The following MICAL2 variants were observed in gnomAD, a reference collection of about 807,000 sequenced individuals.
MICAL2 encodes the protein [F-actin]-monooxygenase MICAL2.
Under a neutral mutation model 127.3 loss-of-function variants are expected in MICAL2, and 77 were observed. The observed-to-expected ratio is 0.60, with a 90% CI of 0.50 to 0.73. The LOEUF (loss-of-function observed/expected upper bound fraction) is 0.73, where lower values mean the gene tolerates loss of function less well. Among genes scored for constraint, MICAL2 ranks in the 30% least tolerant of loss-of-function variants. The pLI, the probability that MICAL2 is intolerant of heterozygous loss-of-function variation, is 0.00. For missense variants in MICAL2, 1,351 were observed against 1,434.4 expected, an observed-to-expected ratio of 0.94 and a Z score of 0.94; for synonymous variants, 570 against 551.1, an observed-to-expected ratio of 1.03 and a Z score of -0.48.
At chr11:12,280,737 T>C (rs1406859887) in intron 1 of MICAL2, among the ~76,000 whole-genome samples, 1 of 152,238 alleles carries the variant, frequency 6.6e-6, no homozygotes, top group Non-Finnish European at 1.5e-5. Flanking sequence ...GTACTTGGGG[T>C]TAGGACTTCA....
At chr11:12,173,617 G>T (rs189983174) in intron 3 of MICAL2, among the ~76,000 whole-genome samples, 3 of 152,152 alleles carry the variant, frequency 2.0e-5, no homozygotes, top group African/African-American at 4.8e-5. Context: ...TCTGGATGAC[G>T]TACAACCATC....
At chr11:12,358,594 T>C, downstream of MICAL2, 1 of 944,130 alleles carries the variant, frequency 1.1e-6, no homozygotes, top group Non-Finnish European at 1.5e-6. Flanking sequence ...TTGTTATACC[T>C]TACTGCATTT....
chr11:12,324,944 A>T (rs1864338527), intron 31 of MICAL2, among the ~76,000 whole-genome samples: 1 of 152,146 alleles, frequency 6.6e-6, no homozygotes, highest in Admixed American at 6.5e-5. Flanking sequence ...GAACAAGACA[A>T]GTCTTATGAT....
chr11:12,178,371 T>G (rs1422625310), intron 3 of MICAL2, among the ~76,000 whole-genome samples: 1 of 152,020 alleles, frequency 6.6e-6, no homozygotes, highest in Non-Finnish European at 1.5e-5. Flanking sequence ...CCTGAGAACA[T>G]GTGCCCAAAG....
intron 3 of MICAL2, among the ~76,000 whole-genome samples, chr11:12,174,844 G>C (rs1388083319): frequency 6.6e-6 from 1 of 152,172 alleles, no homozygotes. Flanking sequence ...TTTTCAGCCA[G>C]GCATGGTGGC....
chr11:12,149,743 G>GTC (rs1463850264), intron 2 of MICAL2, among the ~76,000 whole-genome samples: 2 of 152,184 alleles, frequency 1.3e-5, no homozygotes, highest in African/African-American at 4.8e-5. Context: ...CACACGTGAG[G>GTC]TCTCTATAAG....
intron 26 of MICAL2, chr11:12,261,334 A>G (rs1353277333): frequency 5.1e-6 from 5 of 985,410 alleles, no homozygotes; most frequent in African/African-American, 3.5e-5. Context: ...ACTGGCAGGG[A>G]AGGCTGGGAG....
intron 3 of MICAL2, among the ~76,000 whole-genome samples, chr11:12,182,356 G>A (rs111446180): frequency 9.7e-4 from 147 of 152,200 alleles, no homozygotes; most frequent in African/African-American, 3.5e-3. Flanking sequence ...GCTGAAAAGA[G>A]CTTGGAAGGG....
downstream of MICAL2, chr11:12,292,150 G>T: frequency 6.2e-7 from 1 of 1,613,408 alleles, no homozygotes; most frequent in Non-Finnish European, 8.5e-7. Flanking sequence ...TAGGTTTGAC[G>T]CCAGTGAACA....
chr11:12,212,007 C>T (rs1402064543), intron 6 of MICAL2, among the ~76,000 whole-genome samples: 2 of 152,200 alleles, frequency 1.3e-5, no homozygotes, highest in African/African-American at 2.4e-5. Context: ...GCCTGGATCC[C>T]CCTGCATGGT....
chr11:12,255,265 C>G (rs769324642), intron 22 of MICAL2: 14 of 238,998 alleles, frequency 5.9e-5, no homozygotes, highest in Non-Finnish European at 1.1e-4. Flanking sequence ...TTAAATACAT[C>G]CTTCGTGTGC....
chr11:12,181,741 A>G (rs1421807239), intron 3 of MICAL2, among the ~76,000 whole-genome samples: 1 of 152,262 alleles, frequency 6.6e-6, no homozygotes, highest in Non-Finnish European at 1.5e-5. Context: ...AAAACATTCA[A>G]TAAATCGCAA....
downstream of MICAL2, among the ~76,000 whole-genome samples, chr11:12,267,449 G>A (rs774305919): frequency 5.3e-5 from 8 of 152,042 alleles, no homozygotes; most frequent in Non-Finnish European, 8.8e-5. Context: ...AAATCCATTA[G>A]CAAATTTGAG....
rs976019277 is a variant in MICAL2, at chr11:12,216,447, A to G, written c.948+128A>G. 4 of 691,084 alleles carry G rather than the reference A, an allele frequency of 5.8e-6. No homozygotes were observed. In the African/African-American group the frequency reaches 7.1e-5, roughly 12 times the overall value. 42.8% of individuals were successfully genotyped at this position (691,084 alleles called of 1,614,324 possible). ...GGAGGGGGGAAGGTGCCACCAGCTT[A>G]CACCCTTCTTTTTCTTGGTGTTACA... On this transcript the variant is annotated intron_variant, in intron 8 of 27. Coordinates refer to ENST00000683283, the MANE Select transcript of MICAL2 (RefSeq NM_001282663.2).
chr11:12,195,511 T>G (rs901150484), intron 3 of MICAL2, among the ~76,000 whole-genome samples: 12 of 152,030 alleles, frequency 7.9e-5, no homozygotes, highest in African/African-American at 2.9e-4. Flanking sequence ...TCTCTATATA[T>G]CTGAAAAGTA....
intron 15 of MICAL2, 149 bp from the exon 16 acceptor site, chr11:12,236,028 C>T (rs2134418889): frequency 1.5e-6 from 1 of 677,934 alleles, no homozygotes; most frequent in East Asian, 2.6e-5. Context: ...TCATTTACTA[C>T]CACTCCTGCC....
intron 22 of MICAL2, 122 bp downstream of exon 22, chr11:12,249,368 G>A (rs1861228291): frequency 1.6e-6 from 1 of 643,472 alleles, no homozygotes; most frequent in African/African-American, 1.8e-5. Context: ...CTGGCACCAG[G>A]GGACGAAGGT....
At chr11:12,260,691 T>C (rs1296038056) in intron 26 of MICAL2, 1 of 985,628 alleles carries the variant, frequency 1.0e-6, no homozygotes, top group African/African-American at 1.7e-5. Context: ...GAAAGCATAA[T>C]TATTTTAGAA....
chr11:12,236,792 G>C (rs554498193), intron 16 of MICAL2, among the ~76,000 whole-genome samples: 1 of 152,344 alleles, frequency 6.6e-6, no homozygotes, highest in South Asian at 2.1e-4. Flanking sequence ...CAAGGGGAAA[G>C]AGTGTCAGTT....
Sources: allele counts gnomAD v4.1 joint callset (sites outside exome capture counted in the v4.1 genomes callset), GRCh38; gene constraint gnomAD v4.1.1; transcripts MANE v1.5; gene names NCBI Gene and HGNC (gene_info 2026-07-23, HGNC 2026-07-21).